TMTC3: variants seen among roughly 807,000 people sequenced by gnomAD.
The protein encoded by TMTC3 is transmembrane O-mannosyltransferase targeting cadherins 3, also known as protein O-mannosyl-transferase TMTC3.
A neutral mutation model predicts 92.2 loss-of-function variants in TMTC3; 52 were observed. The observed-to-expected ratio is 0.56, with a 90% CI of 0.45 to 0.71. The LOEUF (loss-of-function observed/expected upper bound fraction) is 0.71. Among genes scored for constraint, TMTC3 ranks in the 30% least tolerant of loss-of-function variants. TMTC3 has a pLI of 0.00. For missense variants in TMTC3, 896 were observed against 1,057.1 expected (o/e 0.85, Z 2.11); for synonymous variants, 339 against 363.3 (o/e 0.93, Z 0.76).
intron 1 of TMTC3, among the ~76,000 whole-genome samples, chr12:88,147,531 T>A (rs929633204): frequency 2.6e-5 from 4 of 152,174 alleles, no homozygotes; most frequent in African/African-American, 4.8e-5. Context: ...AATATACTGT[T>A]TCATTTTACT....
chr12:88,199,272 A>ACTT lies in TMTC3; in HGVS notation c.*3624_*3626dup, dbSNP rs1474368550. 1 of 152,034 alleles carries ACTT rather than the reference A, an allele frequency of 6.6e-6. No individual in the cohort carries two copies. The highest frequency in any genetic ancestry group is 1.5e-5 in the Non-Finnish European group (1 of 67,972). The allele number at this position is 152,034 out of a possible 1,614,324, so 9.4% of individuals were successfully genotyped here. A position where few individuals can be genotyped will look rare whatever the true frequency, so the allele number is the denominator to read the frequency against. ...TGTGCCTGGTATTGCCTCTGGCATA[A>ACTT]CTTAGAGGAAATTGTTCTACCTATA... is the stretch of plus-strand genomic sequence containing the variant. On this transcript the variant is annotated 3_prime_UTR_variant, in exon 14 of 14. Coordinates refer to ENST00000266712, the MANE Select transcript of TMTC3 (RefSeq NM_181783.4).
At position 88,197,229 on chromosome 12, in the gene TMTC3, C is replaced by T. The variant is rs2041523654; in HGVS notation, c.*1580C>T. 7.0e-6 allele frequency: 1 copy of T among 142,612 alleles called. No homozygotes were observed. Among genetic ancestry groups the T allele is most frequent in the Non-Finnish European group, 1.5e-5 (1 of 65,624 alleles). 8.8% of individuals were successfully genotyped at this position (142,612 alleles called of 1,614,324 possible). On this transcript the variant is annotated 3_prime_UTR_variant, in exon 14 of 14. Coordinates refer to ENST00000266712, the MANE Select transcript of TMTC3 (RefSeq NM_181783.4). ...CAAGGTCTGCATTAGAAGACCCACT[C>T]TTACTAGGTTCCCTAAGGATCTGCC...
intron 12 of TMTC3, among the ~76,000 whole-genome samples, chr12:88,191,732 C>G (rs1436721359): frequency 1.4e-5 from 2 of 140,330 alleles, no homozygotes; most frequent in African/African-American, 5.9e-5. Context: ...TTGTTTGTGA[C>G]AGAGTCTCAC....
Position 88,148,492 on chromosome 12 carries a change from C to T in TMTC3, c.177C>T (p.Thr59=). ...TATTTCAAAATGACTTCTGGGGAAC[C>T]CCTATGTCTGAGGTAAGTAATTACT... is the stretch of plus-strand genomic sequence containing the variant. ...KTLFQNDFWG[T]PMSEERSHKS... Residue 59 remains threonine, a synonymous_variant, in exon 2 of 14, where the codon ACC becomes ACT. Transcript: ENST00000266712. 2.5e-6 allele frequency: 4 copies of T among 1,605,304 alleles called. No homozygotes were observed. Among genetic ancestry groups the T allele is most frequent in the Non-Finnish European group, 3.4e-6 (4 of 1,175,522 alleles).
At chr12:88,143,732 A>T (rs1186303350) in intron 1 of TMTC3, among the ~76,000 whole-genome samples, 1 of 152,156 alleles carries the variant, frequency 6.6e-6, no homozygotes, top group Non-Finnish European at 1.5e-5. Context: ...GTGTTTCTGG[A>T]AAGGTGTTCT....
chr12:88,167,008 T>G (rs74847801), intron 7 of TMTC3, among the ~76,000 whole-genome samples: 1 of 151,846 alleles, frequency 6.6e-6, no homozygotes, highest in African/African-American at 2.4e-5. Context: ...TTTTTTTTTT[T>G]TTGGTGGTGG....
In TMTC3 at chr12:88,195,666, G is replaced by T; in HGVS notation, c.*17G>T. On this transcript the variant is annotated 3_prime_UTR_variant, in exon 14 of 14. Transcript: ENST00000266712. ...GGTGAATAACATTAATATTTATCGTGACAATGGTATCAAAGAACATCAATC... is the reference window on the plus strand; with the variant it reads ...GGTGAATAACATTAATATTTATCGTTACAATGGTATCAAAGAACATCAATC... The T allele has an allele frequency of 6.4e-7, 1 of 1,557,442 alleles. No homozygotes were observed. The highest frequency in any genetic ancestry group is 1.2e-5 in the South Asian group (1 of 80,732).
intron 2 of TMTC3, among the ~76,000 whole-genome samples, chr12:88,152,189 A>G (rs1316873014): frequency 3.3e-5 from 5 of 152,222 alleles, no homozygotes; most frequent in South Asian, 2.1e-4. Flanking sequence ...TGCACACTGT[A>G]CAAGCATGGC....
rs2041550060 is a variant in TMTC3 at position 88,199,034 on chromosome 12, C to T, written c.*3385C>T. On this transcript the variant is annotated 3_prime_UTR_variant, in exon 14 of 14. Coordinates refer to ENST00000266712, the MANE Select transcript of TMTC3 (RefSeq NM_181783.4). ...AATTGGTACTTCTTAAAACCATAAC[C>T]TGGCTTGCCTTTTAGTGTTAAAAAA... 1.0e-5 allele frequency: 1 copy of T among 100,374 alleles called. No homozygotes were observed. Among genetic ancestry groups the T allele is most frequent in the Non-Finnish European group, 2.1e-5 (1 of 46,782 alleles). 6.2% of individuals were successfully genotyped at this position (100,374 alleles called of 1,614,324 possible).
At position 88,199,788 on chromosome 12, in the gene TMTC3, CA is replaced by C. The variant is rs1207202012; in HGVS notation, c.*4140del. On this transcript the variant is annotated 3_prime_UTR_variant, in exon 14 of 14. Transcript: ENST00000266712. ...CTTTGTAACTCACTTTCTTCGTCAA[CA>C]TTTCTGTGACTCAATGGATAGCATA... 2 of 152,224 alleles carry C rather than the reference CA, an allele frequency of 1.3e-5. No homozygotes were observed. The highest frequency in any genetic ancestry group is 2.9e-5 in the Non-Finnish European group (2 of 68,036). The allele number at this position is 152,224 out of a possible 1,614,324, so 9.4% of individuals were successfully genotyped here.
intron 5 of TMTC3, 23 bp downstream of exon 5, chr12:88,160,252 A>G: frequency 1.5e-6 from 2 of 1,326,966 alleles, no homozygotes; most frequent in South Asian, 1.6e-5. Flanking sequence ...ATAAATATAT[A>G]AATTTTCTTA....
chr12:88,163,428 A>G (rs1395407819), intron 6 of TMTC3, among the ~76,000 whole-genome samples: 1 of 152,166 alleles, frequency 6.6e-6, no homozygotes, highest in Non-Finnish European at 1.5e-5. Context: ...GCCTGATTGT[A>G]TTAGTTTTCT....
intron 2 of TMTC3, among the ~76,000 whole-genome samples, chr12:88,149,471 T>C (rs941998490): frequency 3.3e-5 from 5 of 152,296 alleles, no homozygotes; most frequent in Non-Finnish European, 5.9e-5. Flanking sequence ...CTGGGGGATA[T>C]TGATTTCTAA....
At chr12:88,170,245 G>T (rs2041189855) in intron 7 of TMTC3, among the ~76,000 whole-genome samples, 1 of 152,042 alleles carries the variant, frequency 6.6e-6, no homozygotes. Context: ...GTTTTGTATA[G>T]TTTATGCATC....
chr12:88,195,145 G>A lies in TMTC3; in HGVS notation c.2241G>A (p.Met747Ile). The change falls in exon 14 of 14, where the codon ATG (methionine) becomes ATA (isoleucine). Residue 747 changes from methionine (M) to isoleucine (I), a missense_variant. Physicochemically the swap from Met to Ile is conservative, Grantham distance 10 (BLOSUM62 1). Transcript: ENST00000266712. ...KGLILKGDIL[M>I]NQKKDILGAK... ...TCATTTTAAAAGGAGACATTCTGAT[G>A]AATCAAAAGAAAGATATACTAGGAG... The A allele has an allele frequency of 6.2e-7, 1 of 1,613,802 alleles. No individual in the cohort carries two copies. The highest frequency in any genetic ancestry group is 8.5e-7 in the Non-Finnish European group (1 of 1,179,908).
intron 4 of TMTC3, among the ~76,000 whole-genome samples, chr12:88,158,826 C>T (rs1315292033): frequency 2.0e-5 from 3 of 151,760 alleles, no homozygotes; most frequent in Non-Finnish European, 4.4e-5. Flanking sequence ...CCGAGGTGGG[C>T]GGATCAGCTG....
At position 88,174,727 on chromosome 12, in the gene TMTC3, G is replaced by T. The variant is rs1036223934; in HGVS notation, c.1320G>T (p.Lys440Asn). 6.2e-7 allele frequency: 1 copy of T among 1,611,660 alleles called. No individual in the cohort carries two copies. Among genetic ancestry groups the T allele is most frequent in the South Asian group, 1.1e-5 (1 of 90,788 alleles). ...SEYTLFMSAL[K>N]VNKNNAKLWN... ...ATACATTGTTTATGTCAGCCTTGAAGGTAAAGTGTTGTTCAGAATGACAGG... is the reference window on the plus strand; with the variant it reads ...ATACATTGTTTATGTCAGCCTTGAATGTAAAGTGTTGTTCAGAATGACAGG... The change falls in exon 9 of 14, where the codon AAG (lysine) becomes AAT (asparagine). Residue 440 changes from lysine to asparagine, a missense_variant and splice_region_variant. Coordinates refer to ENST00000266712, the MANE Select transcript of TMTC3 (RefSeq NM_181783.4).
At chr12:88,173,377 T>A (rs1048658905) in intron 8 of TMTC3, among the ~76,000 whole-genome samples, 3 of 151,966 alleles carry the variant, frequency 2.0e-5, no homozygotes, top group African/African-American at 7.2e-5. Context: ...AAAGAAATAG[T>A]CACTTCTTTC....
rs1203325615 is a variant in TMTC3, at chr12:88,198,085, A to G, written c.*2436A>G. ...TCTTCTAATAACTAGCATTTATTAC[A>G]TGAAATTTAAGAGTTTAAGTTCCAT... On this transcript the variant is annotated 3_prime_UTR_variant, in exon 14 of 14. Transcript: ENST00000266712. 6 of 372,484 alleles carry G rather than the reference A, an allele frequency of 1.6e-5. No individual in the cohort carries two copies. Among genetic ancestry groups the G allele is most frequent in the Admixed American group, 4.5e-5 (1 of 22,062 alleles). The allele number at this position is 372,484 out of a possible 1,614,324, so 23.1% of individuals were successfully genotyped here.
Sources: allele counts gnomAD v4.1 joint callset (sites outside exome capture counted in the v4.1 genomes callset), GRCh38; gene constraint gnomAD v4.1.1; transcripts MANE v1.5; gene names NCBI Gene and HGNC (gene_info 2026-07-23, HGNC 2026-07-21).